The following PSMD13 variants were observed in gnomAD, a reference collection of about 807,000 sequenced individuals.
PSMD13 encodes proteasome 26S subunit, non-ATPase 13.
A neutral mutation model predicts 57.4 loss-of-function variants in PSMD13; 8 were observed. The observed-to-expected ratio is 0.14, with a 90% CI of 0.08 to 0.25. The LOEUF is 0.25. Ranked by LOEUF, PSMD13 falls within the 10% of genes least tolerant of loss-of-function variation. PSMD13 has a pLI of 1.00. For missense variants in PSMD13, 400 were observed against 461.5 expected, an observed-to-expected ratio of 0.87 and a Z score of 1.22; for synonymous variants, 193 against 168.2, an observed-to-expected ratio of 1.15 and a Z score of -1.14.
chr11:239,653 T>A (rs1168508976), intron 2 of PSMD13, among the ~76,000 whole-genome samples: 1 of 152,144 alleles, frequency 6.6e-6, no homozygotes, highest in Admixed American at 6.5e-5. Flanking sequence ...TCCTGTATAG[T>A]GTCATGCTGC....
At chr11:246,962 G>A (rs565146947) in intron 6 of PSMD13, among the ~76,000 whole-genome samples, 109 of 152,182 alleles carry the variant, frequency 7.2e-4, no homozygotes, top group Admixed American at 2.2e-3. Flanking sequence ...TGTAAATATT[G>A]TTTCCCAGTC....
In PSMD13 at chr11:249,021, G is replaced by A; in HGVS notation, c.738G>A (p.Glu246=). 1.2e-6 allele frequency: 2 copies of A among 1,613,788 alleles called. No individual in the cohort carries two copies. The highest frequency in any genetic ancestry group is 1.7e-6 in the Non-Finnish European group (2 of 1,180,022). The change falls in exon 9 of 13, where the codon GAG becomes GAA. Residue 246 remains glutamate (E), a synonymous_variant. Transcript: ENST00000532097. ...ATGCCTTCAACAGTGGCAACGTAGA[G>A]CGGTTCCAGACTCTGAAGACTGCCT... ...TLYAFNSGNV[E]RFQTLKTAWG... is the part of the protein sequence containing the mutation.
Position 252,638 on chromosome 11 carries a change from C to G in PSMD13, c.*38C>G, listed in dbSNP as rs745924115. 3 of 1,590,220 alleles carry G rather than the reference C, an allele frequency of 1.9e-6. No individual in the cohort carries two copies. In the African/African-American group the frequency reaches 4.0e-5, roughly 21 times the overall value. ...CCCCGTCGTGTCTCCTTTGACTCACCTGAGAGAGGCGTTTGCAGCCAATGA... is the reference window on the plus strand; with the variant it reads ...CCCCGTCGTGTCTCCTTTGACTCACGTGAGAGAGGCGTTTGCAGCCAATGA... On this transcript the variant is annotated 3_prime_UTR_variant, in exon 13 of 13. Transcript: ENST00000532097. This position sits in a 1 kb window ranked among gnomAD's most constrained non-coding sequence, Gnocchi z 4.1.
At position 243,935 on chromosome 11, in the gene PSMD13, A is replaced by G. The variant is rs548446497; in HGVS notation, c.175-106A>G. 6.9e-5 allele frequency: 83 copies of G among 1,195,766 alleles called. No homozygotes were observed. In the African/African-American group the frequency reaches 1.0e-3, roughly 15 times the overall value. The allele number at this position is 1,195,766 out of a possible 1,614,324, so 74.1% of individuals were successfully genotyped here. A position where few individuals can be genotyped will look rare whatever the true frequency, so the allele number is the denominator to read the frequency against. On this transcript the variant is annotated intron_variant, in intron 2 of 12. Transcript: ENST00000532097. Reference sequence around the variant, plus strand: ...GGGCACTGTGGCTTGCACACTCCCAACTTGATAGCATTGATGCAGCTTCTT... The same window carrying G: ...GGGCACTGTGGCTTGCACACTCCCAGCTTGATAGCATTGATGCAGCTTCTT...
chr11:240,560 G>A (rs1240486893), intron 2 of PSMD13, among the ~76,000 whole-genome samples: 1 of 152,206 alleles, frequency 6.6e-6, no homozygotes, highest in African/African-American at 2.4e-5. Flanking sequence ...GTAAGGTGAT[G>A]TTTATTTAGG....
rs547084716 is a variant in PSMD13 at position 247,558 on chromosome 11, A to G, written c.568+110A>G. 303 of 1,226,092 alleles carry G rather than the reference A, an allele frequency of 2.5e-4. 1 individual carries two copies. In the African/African-American group the frequency reaches 3.7e-3, roughly 15 times the overall value. 76.0% of individuals were successfully genotyped at this position (1,226,092 alleles called of 1,614,324 possible). ...AGAAATTACTAAGGTGGGGCTGGGC[A>G]CGGTGGCTCACGCCTGTAATCCCAG... On this transcript the variant is annotated intron_variant, in intron 7 of 12. Transcript: ENST00000532097.
At chr11:238,811 C>T (rs1284079383) in intron 1 of PSMD13, among the ~76,000 whole-genome samples, 187 bp from the exon 2 acceptor site, 1 of 152,188 alleles carries the variant, frequency 6.6e-6, no homozygotes, top group African/African-American at 2.4e-5. Flanking sequence ...CTCCAGTGGT[C>T]ATTTCCTTTG....
chr11:241,069 C>T (rs772835937), intron 2 of PSMD13, among the ~76,000 whole-genome samples: 7 of 151,414 alleles, frequency 4.6e-5, no homozygotes, highest in Non-Finnish European at 8.8e-5. Context: ...TAACCTCAGG[C>T]GATCCACCCG....
chr11:242,741 GTC>G (rs1252728374), intron 2 of PSMD13, among the ~76,000 whole-genome samples: 1 of 151,944 alleles, frequency 6.6e-6, no homozygotes, highest in Non-Finnish European at 1.5e-5. Flanking sequence ...CTCCATTCAG[GTC>G]TCTTACAGTA....
Position 249,204 on chromosome 11 carries a change from CAG to C in PSMD13, c.774+152_774+153del, listed in dbSNP as rs1246319509. On this transcript the variant is annotated intron_variant, in intron 9 of 12. Transcript: ENST00000532097. ...TAGGCTAGTCCTTGCTCTCATAGAG[CAG>C]AGAGTTAAGTGGTTGGTTAGCTACA... 3.4e-6 allele frequency: 4 copies of C among 1,178,936 alleles called. No homozygotes were observed. In the Admixed American group the frequency reaches 6.7e-5, roughly 20 times the overall value. The allele number at this position is 1,178,936 out of a possible 1,614,324, so 73.0% of individuals were successfully genotyped here.
chr11:250,727 G>A, intron 9 of PSMD13, 76 bp from the exon 10 acceptor site: 6 of 1,390,278 alleles, frequency 4.3e-6, no homozygotes, highest in Non-Finnish European at 3.1e-6. Flanking sequence ...GTTATAGAAC[G>A]AATTCCAGAT....
rs560091624 is a variant in PSMD13, at chr11:243,031, T to C, written c.175-1010T>C. The C allele has an allele frequency of 3.2e-5, 10 of 311,952 alleles. No individual in the cohort carries two copies. In the East Asian group the frequency reaches 7.8e-4, roughly 24 times the overall value. The allele number at this position is 311,952 out of a possible 1,614,324, so 19.3% of individuals were successfully genotyped here. ...GGATGGTTCCAATCTCTTGACCTCATGATCCACCCACCTCTGCCTCCCAAA... is the reference window on the plus strand; with the variant it reads ...GGATGGTTCCAATCTCTTGACCTCACGATCCACCCACCTCTGCCTCCCAAA... On this transcript the variant is annotated intron_variant, in intron 2 of 12. Transcript: ENST00000532097.
chr11:252,458 G>C lies in PSMD13; in HGVS notation c.1036-47G>C. 6.3e-7 allele frequency: 1 copy of C among 1,589,504 alleles called. No homozygotes were observed. The highest frequency in any genetic ancestry group is 1.1e-5 in the South Asian group (1 of 90,468). On this transcript the variant is annotated intron_variant, in intron 12 of 12. Transcript: ENST00000532097. The surrounding 1 kb of genome is among the most constrained non-coding windows in gnomAD (Gnocchi z 4.1). ...GTGCTGTGCCGGCCGCTCGGCCTGTGTCTCCTGCGTGTCTTAACGTCCCTT... is the reference window on the plus strand; with the variant it reads ...GTGCTGTGCCGGCCGCTCGGCCTGTCTCTCCTGCGTGTCTTAACGTCCCTT...
In PSMD13 at chr11:252,934, T is replaced by G; in HGVS notation, c.*334T>G. On this transcript the variant is annotated 3_prime_UTR_variant, in exon 13 of 13. Transcript: ENST00000532097. The surrounding 1 kb of genome is among the most constrained non-coding windows in gnomAD (Gnocchi z 4.1). The stretch of plus-strand genomic sequence containing the variant: ...CCCATCCACCTGTACGGACATCTTT[T>G]CCGTTGCGGTTTGAGAATGTTCCTA... 4.5e-6 allele frequency: 1 copy of G among 220,176 alleles called. No individual in the cohort carries two copies. Among genetic ancestry groups the G allele is most frequent in the Non-Finnish European group, 9.3e-6 (1 of 107,890 alleles). The allele number at this position is 220,176 out of a possible 1,614,324, so 13.6% of individuals were successfully genotyped here. A position where few individuals can be genotyped will look rare whatever the true frequency, so the allele number is the denominator to read the frequency against.
chr11:242,854 G>A (rs539112357), intron 2 of PSMD13, among the ~76,000 whole-genome samples: 41 of 151,630 alleles, frequency 2.7e-4, no homozygotes, highest in Admixed American at 1.7e-3. Flanking sequence ...GGAATGCAAT[G>A]GCACAATCTC....
rs1378441802 is a variant in PSMD13, at chr11:247,411, G to A, written c.531G>A (p.Leu177=). The change falls in exon 7 of 13, where the codon CTG becomes CTA. Residue 177 remains leucine, a synonymous_variant. Coordinates refer to ENST00000532097, the MANE Select transcript of PSMD13 (RefSeq NM_002817.4). ...ACGCGTCCTACTACAAAGATGCTCT[G>A]CGGTTTTTGGGCTGTGTTGACATCA... ...GNHASYYKDA[L]RFLGCVDIKD... 14 of 1,613,782 alleles carry A rather than the reference G, an allele frequency of 8.7e-6. No homozygotes were observed. The highest frequency in any genetic ancestry group is 1.2e-5 in the Non-Finnish European group (14 of 1,179,886).
chr11:245,308 C>G (rs1212584954), intron 6 of PSMD13, among the ~76,000 whole-genome samples: 1 of 152,088 alleles, frequency 6.6e-6, no homozygotes, highest in Non-Finnish European at 1.5e-5. Flanking sequence ...TCCAAAACCA[C>G]TTAGGAGTAA....
chr11:250,827 C>A lies in PSMD13; in HGVS notation c.799C>A (p.Gln267Lys). ...QQPDLAANEA[Q>K]LLRKIQLLCL... ...GCCTGATTTAGCAGCTAATGAAGCCCAGCTTCTGAGGAAAATTCAGTTGTT... is the reference window on the plus strand; with the variant it reads ...GCCTGATTTAGCAGCTAATGAAGCCAAGCTTCTGAGGAAAATTCAGTTGTT... The change falls in exon 10 of 13, where the codon CAG (glutamine) becomes AAG (lysine). Residue 267 changes from glutamine (Q) to lysine (K), a missense_variant. Gln to Lys is a moderately conservative substitution (Grantham distance 53). Transcript: ENST00000532097. 1 of 1,614,012 alleles carries A rather than the reference C, an allele frequency of 6.2e-7. No homozygotes were observed. The highest frequency in any genetic ancestry group is 8.5e-7 in the Non-Finnish European group (1 of 1,179,968).
chr11:252,129 T>C lies in PSMD13; in HGVS notation c.1035+193T>C, dbSNP rs1466433049. ...GCAAGCCTAGGGTTTGAACCCTGCA[T>C]TTAAAAGCTTATGATGACAATGGCA... is the stretch of plus-strand genomic sequence containing the variant. On this transcript the variant is annotated intron_variant, in intron 12 of 12. Coordinates refer to ENST00000532097, the MANE Select transcript of PSMD13 (RefSeq NM_002817.4). The surrounding 1 kb of genome is among the most constrained non-coding windows in gnomAD (Gnocchi z 4.1). The C allele has an allele frequency of 1.8e-5, 10 of 567,950 alleles. No homozygotes were observed. The East Asian group carries it at 3.0e-4, about 17-fold the overall frequency. The allele number at this position is 567,950 out of a possible 1,614,324, so 35.2% of individuals were successfully genotyped here.
Sources: allele counts gnomAD v4.1 joint callset (sites outside exome capture counted in the v4.1 genomes callset), GRCh38; gene constraint gnomAD v4.1.1; non-coding constraint Gnocchi (gnomAD v3.1); transcripts MANE v1.5; gene names NCBI Gene and HGNC (gene_info 2026-07-23, HGNC 2026-07-21).